The following DOCK8 variants were observed in gnomAD, a reference collection of about 807,000 sequenced individuals.
The protein encoded by DOCK8 is dedicator of cytokinesis protein 8.
Under a neutral mutation model 245.6 loss-of-function variants are expected in DOCK8, and 141 were observed. The observed-to-expected ratio is 0.57, with a 90% CI of 0.50 to 0.66. The LOEUF (loss-of-function observed/expected upper bound fraction) is 0.66. Among genes scored for constraint, DOCK8 ranks in the 30% least tolerant of loss-of-function variants. The pLI is 0.00. For missense variants in DOCK8, 2,965 were observed against 2,603.4 expected, an observed-to-expected ratio of 1.14 and a Z score of -3.02; for synonymous variants, 1,168 against 970.2, an observed-to-expected ratio of 1.20 and a Z score of -3.79.
intron 29 of DOCK8, among the ~76,000 whole-genome samples, chr9:417,585 C>A (rs1273428504): frequency 1.3e-5 from 2 of 152,142 alleles, no homozygotes; most frequent in Non-Finnish European, 2.9e-5. Context: ...ACATCTAGAC[C>A]TATCTATAAA....
At position 418,294 on chromosome 9, in the gene DOCK8, CAG is replaced by C. The variant is rs1176433721; in HGVS notation, c.3840+90_3840+91del. The C allele has an allele frequency of 1.9e-6, 3 of 1,562,288 alleles. No individual in the cohort carries two copies. In the African/African-American group the frequency reaches 4.1e-5, roughly 21 times the overall value. ...TTTTGTTTGTTTGTTTGTTTTGAGA[CAG>C]AGTCTCACTCTGTTGCACAGGCTGG... On this transcript the variant is annotated intron_variant, in intron 30 of 47. Transcript: ENST00000432829.
chr9:228,166 C>T (rs1473080819), intron 1 of DOCK8, among the ~76,000 whole-genome samples: 2 of 152,108 alleles, frequency 1.3e-5, no homozygotes, highest in African/African-American at 4.8e-5. Flanking sequence ...AACCAGAAGG[C>T]CCCTACAAGG....
rs13292474 is a variant in DOCK8, at chr9:304,769, G to A, written c.528+65G>A. The A allele has an allele frequency of 0.19, 308,003 of 1,610,066 alleles. 32,308 individuals are homozygous for A. The highest frequency in any genetic ancestry group is 0.22 in the Non-Finnish European group (256,805 of 1,176,776). On this transcript the variant is annotated intron_variant, in intron 5 of 47. Transcript: ENST00000432829. ...CTCTTCTGCCCAGGGCATGCTGTCA[G>A]TTTTACAAACTAGAATAAACGATAG...
At chr9:353,645 T>C (rs2052283977) in intron 14 of DOCK8, among the ~76,000 whole-genome samples, 1 of 152,122 alleles carries the variant, frequency 6.6e-6, no homozygotes. Context: ...TGGTGCTGGT[T>C]CTCCATCTGA....
chr9:226,825 A>G (rs921122047), intron 1 of DOCK8, among the ~76,000 whole-genome samples: 1 of 152,174 alleles, frequency 6.6e-6, no homozygotes, highest in Non-Finnish European at 1.5e-5. Context: ...CTCAGGGGAG[A>G]AGTCAAGACT....
At chr9:256,028 T>C (rs905486442) in intron 1 of DOCK8, among the ~76,000 whole-genome samples, 1 of 152,190 alleles carries the variant, frequency 6.6e-6, no homozygotes, top group East Asian at 1.9e-4. Flanking sequence ...TAAGAAGTGA[T>C]TTAAGAGATT....
chr9:232,003 G>T (rs953463167), intron 1 of DOCK8, among the ~76,000 whole-genome samples: 1 of 152,224 alleles, frequency 6.6e-6, no homozygotes, highest in East Asian at 1.9e-4. Context: ...TCCAGTTTTT[G>T]CCCATTCAAT....
At chr9:322,871 T>A (rs577772498) in intron 7 of DOCK8, among the ~76,000 whole-genome samples, 1 of 151,904 alleles carries the variant, frequency 6.6e-6, no homozygotes, top group East Asian at 1.9e-4. Flanking sequence ...GGCAGGTGAG[T>A]CACCTGAGCT....
intron 46 of DOCK8, among the ~76,000 whole-genome samples, chr9:453,389 C>T (rs1210681855): frequency 6.6e-6 from 1 of 152,112 alleles, no homozygotes; most frequent in African/African-American, 2.4e-5. Context: ...TAATACGTAT[C>T]TTTTAAAAGG....
intron 4 of DOCK8, among the ~76,000 whole-genome samples, chr9:300,006 T>G (rs1452767338): frequency 4.7e-5 from 6 of 128,724 alleles, no homozygotes; most frequent in Non-Finnish European, 9.8e-5. Flanking sequence ...TGGGCGACAG[T>G]GAGACTCCGT....
rs1441324115 is a variant in DOCK8, at chr9:426,928, C to T, written c.4285C>T (p.Leu1429=). 6.2e-7 allele frequency: 1 copy of T among 1,614,018 alleles called. No homozygotes were observed. Among genetic ancestry groups the T allele is most frequent in the Non-Finnish European group, 8.5e-7 (1 of 1,180,036 alleles). ...LDQEALISGN[L]ATEAHLIILD... is the part of the protein sequence containing the mutation. ...TCAAGAAGCCTTGATCAGTGGCAATCTGGCTACAGAAGCACATTTAATCAT... is the reference window on the plus strand; with the variant it reads ...TCAAGAAGCCTTGATCAGTGGCAATTTGGCTACAGAAGCACATTTAATCAT... Residue 1429 remains leucine, a synonymous_variant, in exon 34 of 48, where the codon CTG becomes TTG. Coordinates refer to ENST00000432829, the MANE Select transcript of DOCK8 (RefSeq NM_203447.4).
chr9:359,619 A>C (rs140905286), intron 14 of DOCK8, among the ~76,000 whole-genome samples: 51 of 152,322 alleles, frequency 3.3e-4, no homozygotes, highest in African/African-American at 1.2e-3. Flanking sequence ...AGATAATCAG[A>C]AGATGTTACT....
intron 40 of DOCK8, 89 bp from the exon 41 acceptor site, chr9:441,197 A>G: frequency 6.4e-7 from 1 of 1,568,132 alleles, no homozygotes; most frequent in Non-Finnish European, 8.8e-7. Flanking sequence ...TTCACTCTCC[A>G]GCACATTGTT....
intron 14 of DOCK8, among the ~76,000 whole-genome samples, chr9:346,601 G>A (rs2051902136): frequency 6.6e-6 from 1 of 152,032 alleles, no homozygotes; most frequent in Non-Finnish European, 1.5e-5. Flanking sequence ...GACGGTGCTT[G>A]CTGAGAACAA....
At chr9:222,009 C>T (rs1327375148) in intron 1 of DOCK8, among the ~76,000 whole-genome samples, 3 of 151,958 alleles carry the variant, frequency 2.0e-5, no homozygotes, top group East Asian at 1.9e-4. Context: ...ACCTGCCTCC[C>T]GGTGCTTTGG....
chr9:399,909 C>T (rs1258813462), intron 26 of DOCK8, among the ~76,000 whole-genome samples: 1 of 151,772 alleles, frequency 6.6e-6, no homozygotes, highest in Non-Finnish European at 1.5e-5. Context: ...ACCATCATTA[C>T]TGCTACTACT....
intron 2 of DOCK8, among the ~76,000 whole-genome samples, chr9:281,823 A>G (rs1177991815): frequency 6.6e-6 from 1 of 152,238 alleles, no homozygotes; most frequent in African/African-American, 2.4e-5. Flanking sequence ...CCCACTTGCC[A>G]AGGGCAAGAC....
At chr9:307,120 C>T (rs1351649194) in intron 5 of DOCK8, among the ~76,000 whole-genome samples, 4 of 152,076 alleles carry the variant, frequency 2.6e-5, no homozygotes, top group African/African-American at 9.7e-5. Context: ...CTTGAACCAT[C>T]CGGTAACCCT....
At chr9:350,270 A>G (rs2052097260) in intron 14 of DOCK8, among the ~76,000 whole-genome samples, 1 of 152,100 alleles carries the variant, frequency 6.6e-6, no homozygotes, top group Admixed American at 6.6e-5. Context: ...GTGTCACCAC[A>G]CCAGCTAATT....
Sources: allele counts gnomAD v4.1 joint callset (sites outside exome capture counted in the v4.1 genomes callset), GRCh38; gene constraint gnomAD v4.1.1; transcripts MANE v1.5; gene names NCBI Gene and HGNC (gene_info 2026-07-23, HGNC 2026-07-21).